Variants in FBXL17 observed in about 807,000 individuals in gnomAD.
FBXL17 encodes the protein F-box and leucine rich repeat protein 17, also known as F-box/LRR-repeat protein 17.
FBXL17 carries 22 observed loss-of-function variants against 66.2 expected under a neutral mutation model. The ratio of observed to expected loss-of-function variants is 0.33; its 90% CI spans 0.24 to 0.47. The LOEUF is 0.47. FBXL17 is among the 20% of genes least tolerant of loss of function. FBXL17 has a pLI of 1.00. For missense variants in FBXL17, 878 were observed against 948.2 expected (o/e 0.93, Z 0.97); for synonymous variants, 474 against 400.5 (o/e 1.18, Z -2.19).
At chr5:107,880,321 C>T in intron 8 of FBXL17, 1 of 961,288 alleles carries the variant, frequency 1.0e-6, no homozygotes, top group Non-Finnish European at 1.2e-6. Flanking sequence ...TCAAGTGATC[C>T]TTCTGCCTTG....
chr5:107,997,024 A>G (rs183025015), intron 7 of FBXL17, among the ~76,000 whole-genome samples: 41 of 152,346 alleles, frequency 2.7e-4, no homozygotes, highest in African/African-American at 9.9e-4. Flanking sequence ...AGTTAATATC[A>G]GGGCTGAGAC....
chr5:108,178,602 A>G (rs1752885571), intron 6 of FBXL17, among the ~76,000 whole-genome samples: 1 of 152,212 alleles, frequency 6.6e-6, no homozygotes, highest in Non-Finnish European at 1.5e-5. Context: ...ACAATACACA[A>G]AACTATTCAG....
chr5:108,351,162 CAAA>C (rs1035392477), intron 3 of FBXL17, among the ~76,000 whole-genome samples: 3 of 151,892 alleles, frequency 2.0e-5, no homozygotes, highest in African/African-American at 7.3e-5. Context: ...CCAATGAAAA[CAAA>C]ATGCTTTAGA....
chr5:107,888,846 T>C (rs779202079), intron 7 of FBXL17, among the ~76,000 whole-genome samples: 5 of 152,216 alleles, frequency 3.3e-5, no homozygotes, highest in Admixed American at 6.5e-5. Context: ...ATGTGGGTAA[T>C]TGCCTATGAG....
rs563113256 is a variant in FBXL17, at chr5:108,257,046, A to C, written c.1507-32818T>G. ...GTTTCAGTTACCAGCCTCTGGCTGA[A>C]TAGGAGTCCATTAGGCTTGGATCAC... On this transcript the variant is annotated intron_variant, in intron 4 of 8. Coordinates refer to ENST00000542267, the MANE Select transcript of FBXL17 (RefSeq NM_001163315.3). Among the ~76,000 whole-genome samples, 49 of 152,316 alleles carry C rather than the reference A, an allele frequency of 3.2e-4. 1 individual carries two copies. The South Asian group carries it at 9.5e-3, about 30-fold the overall frequency.
chr5:107,875,567 C>T (rs780901844), intron 8 of FBXL17, among the ~76,000 whole-genome samples: 37 of 152,220 alleles, frequency 2.4e-4, no homozygotes, highest in Non-Finnish European at 4.7e-4. Flanking sequence ...ACTCCTGGCT[C>T]GAAAGAGCTG....
intron 7 of FBXL17, among the ~76,000 whole-genome samples, chr5:107,969,984 A>G (rs1047674016): frequency 2.0e-5 from 3 of 152,210 alleles, no homozygotes; most frequent in African/African-American, 7.2e-5. Flanking sequence ...GCATATTTGC[A>G]TATTTAGAAA....
At chr5:107,920,462 C>T (rs948232217) in intron 7 of FBXL17, among the ~76,000 whole-genome samples, 1 of 152,136 alleles carries the variant, frequency 6.6e-6, no homozygotes, top group African/African-American at 2.4e-5. Context: ...AGCACACTGC[C>T]TTTGTCATTT....
intron 7 of FBXL17, among the ~76,000 whole-genome samples, chr5:107,925,070 A>T (rs1286606424): frequency 6.6e-6 from 1 of 152,234 alleles, no homozygotes; most frequent in Admixed American, 6.5e-5. Flanking sequence ...AACTAAAAAA[A>T]CAGATTGATT....
At chr5:107,939,639 C>A (rs1055215477) in intron 7 of FBXL17, among the ~76,000 whole-genome samples, 5 of 152,172 alleles carry the variant, frequency 3.3e-5, no homozygotes, top group Non-Finnish European at 7.3e-5. Flanking sequence ...TACGGAGGAT[C>A]ACCCTGTCTC....
At chr5:107,871,210 G>T (rs1269568720) in intron 8 of FBXL17, among the ~76,000 whole-genome samples, 2 of 152,128 alleles carry the variant, frequency 1.3e-5, no homozygotes, top group African/African-American at 4.8e-5. Context: ...TGTAATGATT[G>T]GAAGTGCTAT....
chr5:108,266,200 A>G (rs1167893342), intron 4 of FBXL17, among the ~76,000 whole-genome samples: 2 of 152,162 alleles, frequency 1.3e-5, no homozygotes, highest in Admixed American at 6.5e-5. Flanking sequence ...CTATAATTCT[A>G]ACTTTAAAGT....
rs535807485 is a variant in FBXL17 at position 108,104,502 on chromosome 5, A to T, written c.1745+81615T>A. On this transcript the variant is annotated intron_variant, in intron 6 of 8. Coordinates refer to ENST00000542267, the MANE Select transcript of FBXL17 (RefSeq NM_001163315.3). ...CAAAATGTCCAATTTAACCAACAACACTTATTGAGTACCTCCTACAGAGCA... is the reference window on the plus strand; with the variant it reads ...CAAAATGTCCAATTTAACCAACAACTCTTATTGAGTACCTCCTACAGAGCA... Among the ~76,000 whole-genome samples, 16 of 152,330 alleles carry T rather than the reference A, an allele frequency of 1.1e-4. No individual in the cohort carries two copies. The East Asian group carries it at 3.1e-3, about 29-fold the overall frequency.
intron 1 of FBXL17, among the ~76,000 whole-genome samples, chr5:108,378,337 T>G (rs34877017): frequency 0.35 from 41,713 of 120,804 alleles, 6,247 homozygotes; most frequent in Middle Eastern, 0.42. Context: ...TTTTTTGTTT[T>G]TTTGTTTTGT....
At chr5:108,024,871 T>A (rs1275737414) in intron 6 of FBXL17, among the ~76,000 whole-genome samples, 1 of 152,110 alleles carries the variant, frequency 6.6e-6, no homozygotes, top group Non-Finnish European at 1.5e-5. Flanking sequence ...GAGAAGGCAT[T>A]ACTTACTTTC....
At chr5:107,882,791 C>T (rs28670533) in intron 7 of FBXL17, among the ~76,000 whole-genome samples, 2,176 of 152,220 alleles carry the variant, frequency 0.014, 51 homozygotes, top group African/African-American at 0.05. Flanking sequence ...CCTTTTAATA[C>T]AAAGTGCTCA....
intron 6 of FBXL17, among the ~76,000 whole-genome samples, chr5:108,167,899 A>G (rs988534858): frequency 5.9e-5 from 9 of 152,200 alleles, no homozygotes; most frequent in Admixed American, 2.0e-4. Context: ...TATCCAAGAA[A>G]CAAATGTTCT....
intron 4 of FBXL17, among the ~76,000 whole-genome samples, chr5:108,252,630 A>G (rs1468631827): frequency 6.6e-6 from 1 of 152,176 alleles, no homozygotes; most frequent in Non-Finnish European, 1.5e-5. Flanking sequence ...ACATATGCCT[A>G]GGAACCTAAT....
In FBXL17 at chr5:108,069,867, T is replaced by C. The variant is rs1356895025; in HGVS notation, c.1746-48866A>G. Among the ~76,000 whole-genome samples the C allele has an allele frequency of 2.0e-5, 3 of 152,218 alleles. No individual in the cohort carries two copies. In the South Asian group the frequency reaches 6.2e-4, roughly 32 times the overall value. ...TGATAACGGATTTTTTTTCACTTTA[T>C]ATTCCAGACTACTAGCTGTAATTAT... On this transcript the variant is annotated intron_variant, in intron 6 of 8. Coordinates refer to ENST00000542267, the MANE Select transcript of FBXL17 (RefSeq NM_001163315.3).
Sources: gnomAD v4.1 joint callset for allele counts (sites outside exome capture counted in the v4.1 genomes callset) on GRCh38, gnomAD v4.1.1 for gene constraint, MANE v1.5 for transcripts, NCBI Gene and HGNC (gene_info 2026-07-23, HGNC 2026-07-21) for gene names.